The following PPM1L variants were observed in gnomAD, a reference collection of about 807,000 sequenced individuals.
The protein encoded by PPM1L is protein phosphatase 1L.
A neutral mutation model predicts 31.4 loss-of-function variants in PPM1L; 13 were observed. The observed-to-expected ratio is 0.41, with a 90% CI of 0.27 to 0.66. The LOEUF is 0.66. PPM1L is among the 30% of genes least tolerant of loss of function. The probability of loss-of-function intolerance (pLI) is 0.29; values close to 1 mark genes in which losing one functional copy is unlikely to be tolerated. For synonymous variants in PPM1L, 184 were observed against 175.4 expected (o/e 1.05, Z -0.39); for missense variants, 326 against 453.7 (o/e 0.72, Z 2.56).
Position 160,855,021 on chromosome 3 carries a change from C to G in PPM1L, c.399+98314C>G, listed in dbSNP as rs552331340. On this transcript the variant is annotated intron_variant, in intron 1 of 3. Coordinates refer to ENST00000498165, the MANE Select transcript of PPM1L (RefSeq NM_139245.4). ...AAACAGCATGGTGCTGGTTTAAAAA[C>G]AGACACATAGACTAATGAAACAGAA... Among the ~76,000 whole-genome samples the G allele has an allele frequency of 1.4e-4, 21 of 150,836 alleles. No individual in the cohort carries two copies. The South Asian group carries it at 4.2e-3, about 30-fold the overall frequency.
At chr3:160,848,955 T>A (rs1349566058) in intron 1 of PPM1L, among the ~76,000 whole-genome samples, 2 of 152,130 alleles carry the variant, frequency 1.3e-5, no homozygotes, top group Non-Finnish European at 1.5e-5. Flanking sequence ...CCTGTGTATT[T>A]CACAAATTAA....
At chr3:160,797,722 C>G (rs1447889779) in intron 1 of PPM1L, among the ~76,000 whole-genome samples, 1 of 152,180 alleles carries the variant, frequency 6.6e-6, no homozygotes, top group African/African-American at 2.4e-5. Context: ...GAAGATTAAA[C>G]CAGCCACAAC....
intron 1 of PPM1L, among the ~76,000 whole-genome samples, chr3:160,902,573 T>A (rs1713581500): frequency 6.6e-6 from 1 of 152,202 alleles, no homozygotes; most frequent in South Asian, 2.1e-4. Context: ...TTAACATACA[T>A]ATGAGCTGTA....
At chr3:160,780,751 T>C (rs1278137425) in intron 1 of PPM1L, among the ~76,000 whole-genome samples, 1 of 152,188 alleles carries the variant, frequency 6.6e-6, no homozygotes, top group East Asian at 1.9e-4. Context: ...GACTCAATAG[T>C]TTATGGTGGG....
intron 1 of PPM1L, among the ~76,000 whole-genome samples, chr3:160,892,063 T>TGCA (rs750324284): frequency 2.0e-5 from 3 of 152,122 alleles, no homozygotes; most frequent in Non-Finnish European, 4.4e-5. Context: ...GGTTGATGGG[T>TGCA]GCAGCAAACC....
chr3:160,808,718 T>C (rs1021443797), intron 1 of PPM1L, among the ~76,000 whole-genome samples: 5 of 152,140 alleles, frequency 3.3e-5, no homozygotes, highest in Non-Finnish European at 4.4e-5. Context: ...GTGGCTTCCC[T>C]CACAGAGCAG....
chr3:161,003,223 G>A (rs1273723978), intron 2 of PPM1L, among the ~76,000 whole-genome samples: 1 of 151,178 alleles, frequency 6.6e-6, no homozygotes, highest in Non-Finnish European at 1.5e-5. Flanking sequence ...CCAGTACCAT[G>A]CTGTTTTGGT....
chr3:160,967,419 G>A (rs924336147), intron 2 of PPM1L, among the ~76,000 whole-genome samples: 2 of 151,986 alleles, frequency 1.3e-5, no homozygotes, highest in Non-Finnish European at 2.9e-5. Context: ...CCAAGGTCAA[G>A]GCACCAGCAG....
chr3:160,941,090 G>T (rs763740159), intron 1 of PPM1L, among the ~76,000 whole-genome samples: 1 of 152,160 alleles, frequency 6.6e-6, no homozygotes, highest in Admixed American at 6.5e-5. Flanking sequence ...TTTGGGACTT[G>T]CATGGACTCT....
At chr3:160,765,450 T>G (rs1309254033) in intron 1 of PPM1L, among the ~76,000 whole-genome samples, 3 of 152,226 alleles carry the variant, frequency 2.0e-5, no homozygotes, top group Non-Finnish European at 2.9e-5. Flanking sequence ...GGTGGTGGTG[T>G]TTTTGAAAAC....
At chr3:160,892,362 G>T (rs1713182431) in intron 1 of PPM1L, among the ~76,000 whole-genome samples, 1 of 152,034 alleles carries the variant, frequency 6.6e-6, no homozygotes, top group Non-Finnish European at 1.5e-5. Flanking sequence ...TAAATGACCA[G>T]ATCTCATGAG....
intron 1 of PPM1L, among the ~76,000 whole-genome samples, chr3:160,808,394 T>TGTGTGTGTGTGTGCGCGCGCGCGC (rs1560112682): frequency 6.8e-6 from 1 of 146,768 alleles, no homozygotes; most frequent in Non-Finnish European, 1.5e-5. Context: ...TGTGTGTGTG[T>TGTGTGTGTGTGTGCGCGCGCGCGC]GTGTGTGTGT....
chr3:160,904,118 T>C (rs1713660974), intron 1 of PPM1L, among the ~76,000 whole-genome samples: 1 of 152,204 alleles, frequency 6.6e-6, no homozygotes, highest in African/African-American at 2.4e-5. Context: ...GGTAGCTTTG[T>C]TGTTTTATAA....
chr3:161,003,437 C>G (rs1204917877), intron 2 of PPM1L, among the ~76,000 whole-genome samples: 2 of 151,596 alleles, frequency 1.3e-5, no homozygotes, highest in African/African-American at 2.4e-5. Context: ...GGCAGTATAG[C>G]CATTTTCACG....
intron 1 of PPM1L, among the ~76,000 whole-genome samples, chr3:160,884,812 CAG>C (rs532168990): frequency 1.8e-3 from 269 of 152,220 alleles, no homozygotes; most frequent in African/African-American, 6.3e-3. Flanking sequence ...TAAAATAAAA[CAG>C]ATTTCTTTAC....
At chr3:161,038,078 C>T (rs1461513397) in intron 2 of PPM1L, among the ~76,000 whole-genome samples, 6 of 151,272 alleles carry the variant, frequency 4.0e-5, no homozygotes, top group African/African-American at 1.2e-4. Context: ...CTAAAAAATA[C>T]GAAAAATTAG....
intron 2 of PPM1L, among the ~76,000 whole-genome samples, chr3:161,046,288 C>T (rs1283262076): frequency 1.3e-5 from 2 of 151,818 alleles, no homozygotes; most frequent in Non-Finnish European, 2.9e-5. Flanking sequence ...ATACAAACTA[C>T]CATCAGAGAA....
intron 1 of PPM1L, among the ~76,000 whole-genome samples, chr3:160,766,692 C>T (rs1359735408): frequency 6.8e-6 from 1 of 147,702 alleles, no homozygotes; most frequent in African/African-American, 2.5e-5. Context: ...TAATATTGTA[C>T]TTCTGAAAAA....
chr3:160,893,352 A>G (rs963429920), intron 1 of PPM1L, among the ~76,000 whole-genome samples: 7 of 152,194 alleles, frequency 4.6e-5, no homozygotes, highest in African/African-American at 1.7e-4. Flanking sequence ...AGCATCATGA[A>G]TAGTATATAG....
Sources: allele counts gnomAD v4.1 joint callset (sites outside exome capture counted in the v4.1 genomes callset), GRCh38; gene constraint gnomAD v4.1.1; transcripts MANE v1.5; gene names NCBI Gene and HGNC (gene_info 2026-07-23, HGNC 2026-07-21).